The following OGT variants were observed in gnomAD, a reference collection of about 807,000 sequenced individuals.
The protein encoded by OGT is UDP-N-acetylglucosamine--peptide N-acetylglucosaminyltransferase 110 kDa subunit.
OGT carries 3 observed loss-of-function variants against 75.8 expected under a neutral mutation model. The observed-to-expected ratio is 0.04, with a 90% CI of 0.02 to 0.10. The LOEUF is 0.10. Ranked by LOEUF, OGT falls within the 10% of genes least tolerant of loss-of-function variation. The pLI is 1.00. For missense variants in OGT, 260 were observed against 824.4 expected (o/e 0.32, Z 8.38); for synonymous variants, 257 against 289.7 (o/e 0.89, Z 1.15).
chrX:71,540,990 G>T (rs755596042), intron 3 of OGT, among the ~76,000 whole-genome samples: 108 of 112,058 alleles, frequency 9.6e-4, no homozygotes, highest in African/African-American at 3.1e-3. Context: ...GTATTTGAAG[G>T]TGTTATTGCA....
rs966381119 is a variant in OGT at position 71,543,836 on chromosome X, G to A, written c.463-731G>A. Among the ~76,000 whole-genome samples the A allele has an allele frequency of 2.6e-4, 27 of 104,085 alleles. No individual in the cohort carries two copies. The South Asian group carries it at 3.1e-3, about 12-fold the overall frequency. 90.4% of individuals were successfully genotyped at this position (104,085 alleles called of 115,157 possible). ...ACAAGAGTCTCTGTCGCCCAGGCTGGAGTGCAGTGGCACGATCTCGGCTAA... is the reference window on the plus strand; with the variant it reads ...ACAAGAGTCTCTGTCGCCCAGGCTGAAGTGCAGTGGCACGATCTCGGCTAA... On this transcript the variant is annotated intron_variant, in intron 3 of 21. Coordinates refer to ENST00000373719, the MANE Select transcript of OGT (RefSeq NM_181672.3).
chrX:71,555,774 C>G (rs1168571119), intron 7 of OGT, 180 bp from the exon 8 acceptor site: 6 of 491,268 alleles, frequency 1.2e-5, no homozygotes, highest in Non-Finnish European at 2.0e-5. Flanking sequence ...GTCTTTTGTA[C>G]AAGTATTGAG....
At chrX:71,561,930 C>T in intron 15 of OGT, 30 bp downstream of exon 15, 1 of 1,158,092 alleles carries the variant, frequency 8.6e-7, no homozygotes, top group Non-Finnish European at 1.2e-6. Context: ...TCACTTATAA[C>T]ATGTATTTGG....
Position 71,547,857 on chromosome X carries a change from T to C in OGT, c.532-50T>C. On this transcript the variant is annotated intron_variant, in intron 4 of 21. Coordinates refer to ENST00000373719, the MANE Select transcript of OGT (RefSeq NM_181672.3). The stretch of plus-strand genomic sequence containing the variant: ...TTTTTCCCTTTACAAATTTTCCCCT[T>C]TCCCTTTACCTCCTTTCCCTCCCAT... 3 of 1,098,832 alleles carry C rather than the reference T, an allele frequency of 2.7e-6. No individual in the cohort carries two copies. In the South Asian group the frequency reaches 6.0e-5, roughly 22 times the overall value. The allele number at this position is 1,098,832 out of a possible 1,213,427, so 90.6% of individuals were successfully genotyped here. A position where few individuals can be genotyped will look rare whatever the true frequency, so the allele number is the denominator to read the frequency against.
chrX:71,545,366 A>G (rs1220815234), intron 4 of OGT: 2 of 112,657 alleles, frequency 1.8e-5, no homozygotes, highest in Admixed American at 9.4e-5. Flanking sequence ...AAAACTTGCC[A>G]AAGTGGAAAG....
intron 5 of OGT, among the ~76,000 whole-genome samples, chrX:71,550,062 TA>T (rs997011298): frequency 1.7e-4 from 19 of 112,252 alleles, no homozygotes; most frequent in Non-Finnish European, 3.2e-4. Context: ...ATAATTATGC[TA>T]AAAAATTCAT....
intron 21 of OGT, among the ~76,000 whole-genome samples, chrX:71,568,888 C>A (rs1043598682): frequency 3.6e-4 from 39 of 109,452 alleles, no homozygotes; most frequent in African/African-American, 8.3e-4. Flanking sequence ...ACAAAAAAAA[C>A]CAAAAAAAGA....
intron 3 of OGT, among the ~76,000 whole-genome samples, chrX:71,540,672 A>ATT (rs769056244): frequency 4.2e-5 from 4 of 94,390 alleles, no homozygotes; most frequent in East Asian, 3.2e-4. Flanking sequence ...TTAGTCTGTC[A>ATT]TTTTTTTTTT....
chrX:71,575,172 T>C lies in OGT; in HGVS notation c.*1378T>C. The C allele has an allele frequency of 8.9e-6, 1 of 112,206 alleles. No individual in the cohort carries two copies. Among genetic ancestry groups the C allele is most frequent in the East Asian group, 2.8e-4 (1 of 3,579 alleles). The allele number at this position is 112,206 out of a possible 1,213,427, so 9.2% of individuals were successfully genotyped here. A position where few individuals can be genotyped will look rare whatever the true frequency, so the allele number is the denominator to read the frequency against. ...CATATGAATATATGTTTTGTCTCGC[T>C]ATACTGCACTTACGCTATCCAGTTG... On this transcript the variant is annotated 3_prime_UTR_variant, in exon 22 of 22. Coordinates refer to ENST00000373719, the MANE Select transcript of OGT (RefSeq NM_181672.3).
At chrX:71,552,998 C>T (rs749608708) in intron 5 of OGT, among the ~76,000 whole-genome samples, 1 of 112,086 alleles carries the variant, frequency 8.9e-6, no homozygotes, top group African/African-American at 3.2e-5. Context: ...TTTAAAAGTT[C>T]TTGGGGTGGA....
intron 19 of OGT, among the ~76,000 whole-genome samples, chrX:71,566,992 A>G (rs974817410): frequency 8.9e-6 from 1 of 112,640 alleles, no homozygotes; most frequent in Non-Finnish European, 1.9e-5. Flanking sequence ...AACTTAATGG[A>G]CACATAGCTA....
chrX:71,553,056 A>C (rs1037891441), intron 5 of OGT, among the ~76,000 whole-genome samples: 5 of 112,235 alleles, frequency 4.5e-5, no homozygotes, highest in Non-Finnish European at 9.4e-5. Context: ...TGCCGTGTTT[A>C]CTACAGAGTT....
intron 21 of OGT, among the ~76,000 whole-genome samples, chrX:71,568,995 A>C (rs973180878): frequency 1.8e-5 from 2 of 111,934 alleles, no homozygotes; most frequent in Non-Finnish European, 3.8e-5. Context: ...TTGGTGAATA[A>C]ATTGGTACAG....
In OGT at chrX:71,573,818, C is replaced by G. The variant is rs2040474322; in HGVS notation, c.*24C>G. The G allele has an allele frequency of 8.8e-7, 1 of 1,130,052 alleles. No individual in the cohort carries two copies. Among genetic ancestry groups the G allele is most frequent in the Non-Finnish European group, 1.2e-6 (1 of 842,132 alleles). 93.1% of individuals were successfully genotyped at this position (1,130,052 alleles called of 1,213,427 possible). On this transcript the variant is annotated 3_prime_UTR_variant, in exon 22 of 22. Transcript: ENST00000373719. ...AAATAAAGACTGCACAGGAGAATTA[C>G]CCCTATACCTGAGCCTCAACCTTCT... is the stretch of plus-strand genomic sequence containing the variant.
intron 12 of OGT, among the ~76,000 whole-genome samples, 155 bp downstream of exon 12, chrX:71,557,827 A>G (rs1329015998): frequency 8.9e-6 from 1 of 112,130 alleles, no homozygotes; most frequent in Non-Finnish European, 1.9e-5. Flanking sequence ...AACCCCTTCC[A>G]TTGTGTCCTG....
At chrX:71,558,765 CTTTTTTT>C (rs397895020) in intron 12 of OGT, among the ~76,000 whole-genome samples, 7 of 61,499 alleles carry the variant, frequency 1.1e-4, no homozygotes, top group Admixed American at 2.2e-4. Context: ...TTTGCTCGTA[CTTTTTTT>C]TTTTTTTTTT....
chrX:71,539,908 A>C (rs913115265), intron 3 of OGT, among the ~76,000 whole-genome samples: 17 of 112,277 alleles, frequency 1.5e-4, no homozygotes, highest in African/African-American at 4.9e-4. Flanking sequence ...AGTCATTGCT[A>C]CTGATAGTGT....
At chrX:71,561,162 A>G (rs2040381328) in intron 14 of OGT, among the ~76,000 whole-genome samples, 1 of 110,004 alleles carries the variant, frequency 9.1e-6, no homozygotes, top group Non-Finnish European at 1.9e-5. Flanking sequence ...TCCTGACCTC[A>G]GGTGATCCAC....
At chrX:71,549,295 CA>C (rs35779562) in intron 5 of OGT, among the ~76,000 whole-genome samples, 582 of 21,821 alleles carry the variant, frequency 0.027, 2 homozygotes, top group African/African-American at 0.065. Flanking sequence ...GGCCCTGTCT[CA>C]AAAAAAAAAA....
Sources: allele counts gnomAD v4.1 joint callset (sites outside exome capture counted in the v4.1 genomes callset), GRCh38; gene constraint gnomAD v4.1.1; transcripts MANE v1.5; gene names NCBI Gene and HGNC (gene_info 2026-07-23, HGNC 2026-07-21).